Variants in TSHZ2 observed in about 807,000 individuals in gnomAD.
TSHZ2 encodes teashirt homolog 2.
A neutral mutation model predicts 74.4 loss-of-function variants in TSHZ2; 21 were observed. That is an observed-to-expected ratio of 0.28 (90% CI 0.20 to 0.41). TSHZ2 has a LOEUF of 0.41. Among genes scored for constraint, TSHZ2 ranks in the 10% least tolerant of loss-of-function variants. TSHZ2 has a pLI of 1.00. For synonymous variants in TSHZ2, 540 were observed against 515.3 expected (o/e 1.05, Z -0.65); for missense variants, 1,244 against 1,293.5 (o/e 0.96, Z 0.59).
At chr20:52,986,673 G>A (rs557194327) in intron 1 of TSHZ2, among the ~76,000 whole-genome samples, 2 of 151,802 alleles carry the variant, frequency 1.3e-5, no homozygotes, top group African/African-American at 4.8e-5. Flanking sequence ...AGATTGAAGT[G>A]AGCCGAGATC....
At chr20:53,430,819 C>T (rs892093422) in intron 2 of TSHZ2, among the ~76,000 whole-genome samples, 2 of 152,110 alleles carry the variant, frequency 1.3e-5, no homozygotes, top group Non-Finnish European at 2.9e-5. Context: ...AGTGCAGTGG[C>T]GTGGTCTCGG....
intron 2 of TSHZ2, among the ~76,000 whole-genome samples, chr20:53,263,101 G>A (rs997351460): frequency 2.6e-5 from 4 of 151,072 alleles, no homozygotes; most frequent in African/African-American, 9.9e-5. Flanking sequence ...TTTAGGCACA[G>A]AAGGTGTTTC....
intron 2 of TSHZ2, among the ~76,000 whole-genome samples, chr20:53,307,250 C>T (rs960377717): frequency 1.3e-5 from 2 of 152,168 alleles, no homozygotes; most frequent in Non-Finnish European, 2.9e-5. Flanking sequence ...GAACACTGAC[C>T]ACTTCCCTTC....
chr20:53,076,470 A>G (rs906666314), intron 1 of TSHZ2, among the ~76,000 whole-genome samples: 1 of 152,190 alleles, frequency 6.6e-6, no homozygotes. Context: ...CTCACAATCT[A>G]GTGGGGAAAC....
At chr20:53,011,882 C>T (rs2255904) in intron 1 of TSHZ2, among the ~76,000 whole-genome samples, 65,876 of 151,986 alleles carry the variant, frequency 0.43, 14,696 homozygotes, top group Non-Finnish European at 0.49. Flanking sequence ...CCAATAGGGT[C>T]ATTCTTTTCT....
intron 1 of TSHZ2, among the ~76,000 whole-genome samples, chr20:53,172,027 A>G (rs6022318): frequency 0.036 from 5,507 of 152,144 alleles, 345 homozygotes; most frequent in African/African-American, 0.13. Flanking sequence ...ACTTACGAGG[A>G]AAAAAAATGA....
In TSHZ2 at chr20:53,471,492, C is replaced by T. The variant is rs530512191; in HGVS notation, c.*9-15652C>T. ...CGCTGCAATAAGTCTTATAAGGACA[C>T]TGCAAAAGGTTCATGCAAGATGATA... is the stretch of plus-strand genomic sequence containing the variant. On this transcript the variant is annotated intron_variant, in intron 2 of 2. Transcript: ENST00000371497. 8.5e-5 allele frequency among the ~76,000 whole-genome samples: 13 copies of T among 152,308 alleles called. No homozygotes were observed. The South Asian group carries it at 2.1e-3, about 24-fold the overall frequency.
At chr20:53,450,769 GCCTTGGCCTCTC>G (rs1600649893) in intron 2 of TSHZ2, among the ~76,000 whole-genome samples, 2 of 152,140 alleles carry the variant, frequency 1.3e-5, no homozygotes, top group African/African-American at 4.8e-5. Context: ...CAATTCTCCT[GCCTTGGCCTCTC>G]AAAGTGCTGG....
At chr20:53,190,110 TATATATATATATATATA>T (rs1988696588) in intron 1 of TSHZ2, among the ~76,000 whole-genome samples, 1 of 78,320 alleles carries the variant, frequency 1.3e-5, no homozygotes, top group African/African-American at 6.0e-5. Context: ...TATATATATA[TATATATATATATATATA>T]TATATATATA....
intron 1 of TSHZ2, among the ~76,000 whole-genome samples, chr20:53,152,624 A>G (rs1987701114): frequency 6.6e-6 from 1 of 152,198 alleles, no homozygotes; most frequent in South Asian, 2.1e-4. Flanking sequence ...TATTAACCCT[A>G]TGTAGGACAA....
chr20:53,482,040 G>T (rs1412255185), intron 2 of TSHZ2, among the ~76,000 whole-genome samples: 1 of 141,208 alleles, frequency 7.1e-6, no homozygotes, highest in African/African-American at 2.6e-5. Context: ...GGAGGTAGAA[G>T]TTGCAGTGAG....
chr20:53,388,687 C>T (rs1036465891), intron 2 of TSHZ2, among the ~76,000 whole-genome samples: 3 of 151,256 alleles, frequency 2.0e-5, no homozygotes, highest in Non-Finnish European at 4.4e-5. Context: ...AAGCAATTCT[C>T]GTACCTCAGC....
At chr20:53,243,532 G>T (rs1293956612) in intron 1 of TSHZ2, among the ~76,000 whole-genome samples, 1 of 152,194 alleles carries the variant, frequency 6.6e-6, no homozygotes, top group Non-Finnish European at 1.5e-5. Flanking sequence ...CCCATTCAGT[G>T]TGGTCCTCAT....
intron 2 of TSHZ2, among the ~76,000 whole-genome samples, chr20:53,338,858 T>C (rs1053541112): frequency 2.6e-5 from 4 of 152,180 alleles, no homozygotes; most frequent in Non-Finnish European, 5.9e-5. Flanking sequence ...CAGGTTTTCA[T>C]GAGGGTCAGA....
At chr20:53,290,840 T>G (rs1325650483) in intron 2 of TSHZ2, among the ~76,000 whole-genome samples, 1 of 152,218 alleles carries the variant, frequency 6.6e-6, no homozygotes, top group East Asian at 1.9e-4. Context: ...GGTTGGCAAA[T>G]CCAGCCTACC....
intron 1 of TSHZ2, among the ~76,000 whole-genome samples, chr20:53,050,130 T>TATATATATATATATAAATATAC: frequency 1.1e-5 from 1 of 88,322 alleles, no homozygotes. Flanking sequence ...TATATACACA[T>TATATATATATATATAAATATAC]ATATATATGT....
chr20:53,486,663 C>G (rs749927738), intron 2 of TSHZ2, among the ~76,000 whole-genome samples: 3 of 152,126 alleles, frequency 2.0e-5, no homozygotes, highest in African/African-American at 7.2e-5. Context: ...AGCGACAAAG[C>G]GAGACTCTGT....
At chr20:53,306,368 A>G (rs1432806968) in intron 2 of TSHZ2, among the ~76,000 whole-genome samples, 1 of 152,198 alleles carries the variant, frequency 6.6e-6, no homozygotes, top group African/African-American at 2.4e-5. Context: ...AAAAACGTGT[A>G]TTTTGCTTCT....
chr20:53,358,517 T>C (rs989996510), intron 2 of TSHZ2, among the ~76,000 whole-genome samples: 6 of 151,278 alleles, frequency 4.0e-5, no homozygotes, highest in African/African-American at 1.2e-4. Flanking sequence ...CTTTTTTTTG[T>C]TTTTTTTAGT....
Sources: gnomAD v4.1 joint callset for allele counts (sites outside exome capture counted in the v4.1 genomes callset) on GRCh38, gnomAD v4.1.1 for gene constraint, MANE v1.5 for transcripts, NCBI Gene and HGNC (gene_info 2026-07-23, HGNC 2026-07-21) for gene names.